Variants in CELF2 observed in about 807,000 individuals in gnomAD.
The protein encoded by CELF2 is CUGBP Elav-like family member 2.
Under a neutral mutation model 62.6 loss-of-function variants are expected in CELF2, and 8 were observed. That is an observed-to-expected ratio of 0.13 (90% confidence interval 0.07 to 0.23). The LOEUF is 0.23. CELF2 is among the 10% of genes least tolerant of loss of function. CELF2 has a pLI of 1.00. For synonymous variants in CELF2, 258 were observed against 250.0 expected (o/e 1.03, Z -0.30); for missense variants, 333 against 671.0 (o/e 0.50, Z 5.56).
upstream of CELF2, among the ~76,000 whole-genome samples, chr10:10,793,459 A>C (rs1369527872): frequency 6.6e-6 from 1 of 152,198 alleles, no homozygotes; most frequent in Non-Finnish European, 1.5e-5. Flanking sequence ...AAAAACAAAC[A>C]AACAAACAAA....
intron 2 of CELF2, among the ~76,000 whole-genome samples, chr10:11,172,988 C>G (rs1041923092): frequency 2.0e-5 from 3 of 152,186 alleles, no homozygotes; most frequent in Non-Finnish European, 2.9e-5. Flanking sequence ...CCCTCCAGCA[C>G]GTATTGCAGG....
At chr10:10,881,362 A>C (rs919365284) in intron 1 of CELF2, among the ~76,000 whole-genome samples, 2 of 152,182 alleles carry the variant, frequency 1.3e-5, no homozygotes, top group African/African-American at 2.4e-5. Flanking sequence ...GTAACTACCT[A>C]TTTCCTTCAG....
At chr10:10,526,627 C>A in the CELF2 span, among the ~76,000 whole-genome samples, 1 of 152,320 alleles carries the variant, frequency 6.6e-6, no homozygotes, top group Non-Finnish European at 1.5e-5. Flanking sequence ...TCTCAAAGTC[C>A]ACCTCATGCC....
chr10:10,994,538 C>T (rs1415675281), intron 2 of CELF2, among the ~76,000 whole-genome samples: 1 of 152,208 alleles, frequency 6.6e-6, no homozygotes, highest in Non-Finnish European at 1.5e-5. Context: ...ACAGCCGCTC[C>T]TCATTGCTTG....
At chr10:11,202,821 A>G (rs1288098643) in intron 2 of CELF2, among the ~76,000 whole-genome samples, 6 of 151,962 alleles carry the variant, frequency 3.9e-5, no homozygotes, top group Admixed American at 2.0e-4. Context: ...GCTTTATCCT[A>G]TAAACCATCT....
chr10:11,319,240 C>A lies in CELF2; in HGVS notation c.1097-1949C>A. On this transcript the variant is annotated intron_variant, in intron 10 of 12. Coordinates refer to ENST00000633077, the MANE Select transcript of CELF2 (RefSeq NM_001326342.2). The surrounding 1 kb of genome is among the most constrained non-coding windows in gnomAD (Gnocchi z 4.4). ...CCAAAGTGAGACCAACAGAATTTAT[C>A]AGCAGCGTCCAGCCCTTCCCGAGTT... 2.6e-6 allele frequency: 1 copy of A among 389,342 alleles called. No homozygotes were observed. 24.1% of individuals were successfully genotyped at this position (389,342 alleles called of 1,614,324 possible). A position where few individuals can be genotyped will look rare whatever the true frequency, so the allele number is the denominator to read the frequency against.
chr10:10,613,606 T>G, the CELF2 span, among the ~76,000 whole-genome samples: 1 of 152,218 alleles, frequency 6.6e-6, no homozygotes, highest in African/African-American at 2.4e-5. Context: ...GATTCCTGAC[T>G]TTTCCCCCTT....
intron 2 of CELF2, among the ~76,000 whole-genome samples, chr10:11,187,684 G>A (rs2075317062): frequency 6.6e-6 from 1 of 151,024 alleles, no homozygotes; most frequent in South Asian, 2.1e-4. Flanking sequence ...TGTTGTTTTA[G>A]AGTATTTGTT....
the CELF2 span, among the ~76,000 whole-genome samples, chr10:10,536,302 G>A: frequency 2.6e-5 from 4 of 152,146 alleles, no homozygotes; most frequent in Admixed American, 2.0e-4. Context: ...ACAGGCATGA[G>A]CCACCATGCC....
intron 2 of CELF2, among the ~76,000 whole-genome samples, chr10:11,204,792 G>A (rs539502820): frequency 7.2e-5 from 11 of 152,302 alleles, no homozygotes; most frequent in South Asian, 2.1e-4. Flanking sequence ...CCTCCTCCCC[G>A]TCCTCATCGC....
At chr10:11,101,731 C>G (rs538350336) in intron 1 of CELF2, among the ~76,000 whole-genome samples, 3 of 152,184 alleles carry the variant, frequency 2.0e-5, no homozygotes, top group Non-Finnish European at 4.4e-5. Flanking sequence ...CACTTGTAAC[C>G]TCTGCATACC....
chr10:11,059,299 T>G (rs2066139488), intron 1 of CELF2, among the ~76,000 whole-genome samples: 2 of 152,176 alleles, frequency 1.3e-5, no homozygotes. Flanking sequence ...TGCATGTCTG[T>G]TTTAGGGTGG....
Position 11,332,515 on chromosome 10 carries a change from CTGCTGCCACTTTT to C in CELF2, c.*3464_*3476del, listed in dbSNP as rs991196914. The C allele has an allele frequency of 3.9e-5, 6 of 152,716 alleles. No individual in the cohort carries two copies. Among genetic ancestry groups the C allele is most frequent in the African/African-American group, 1.2e-4 (5 of 41,554 alleles). 9.5% of individuals were successfully genotyped at this position (152,716 alleles called of 1,614,324 possible). ...CTGACCAAATACCTAGCACCAGTTC[CTGCTGCCACTTTT>C]TAAAGTGCCATATGACTTTCTACGA... On this transcript the variant is annotated 3_prime_UTR_variant, in exon 13 of 13. Coordinates refer to ENST00000633077, the MANE Select transcript of CELF2 (RefSeq NM_001326342.2).
At chr10:11,202,901 ATCTCTCTCTCTCTCTCTC>A (rs56373613) in intron 2 of CELF2, among the ~76,000 whole-genome samples, 14 of 70,924 alleles carry the variant, frequency 2.0e-4, no homozygotes, top group African/African-American at 7.5e-4. Context: ...CCCCATCCTC[ATCTCTCTCTCTCTCTCTC>A]TCTCTCTCTC....
chr10:11,041,143 T>G (rs1230356745), intron 1 of CELF2, among the ~76,000 whole-genome samples: 2 of 152,222 alleles, frequency 1.3e-5, no homozygotes, highest in African/African-American at 4.8e-5. Context: ...AAAGTTGTAG[T>G]GTCCTTTTTT....
chr10:11,166,054 A>AC (rs1292733188), intron 2 of CELF2, among the ~76,000 whole-genome samples: 1 of 151,996 alleles, frequency 6.6e-6, no homozygotes, highest in African/African-American at 2.4e-5. Context: ...AACTCTTCCC[A>AC]CCCCTACGTT....
chr10:11,025,938 A>G (rs1055310271), intron 1 of CELF2, among the ~76,000 whole-genome samples: 2 of 152,238 alleles, frequency 1.3e-5, no homozygotes, highest in Admixed American at 6.5e-5. Context: ...TGAAAAGCTC[A>G]GACTCTTTCC....
chr10:10,796,739 C>T (rs759149680), upstream of CELF2: 8 of 227,054 alleles, frequency 3.5e-5, no homozygotes, highest in Non-Finnish European at 5.1e-5. Flanking sequence ...AGGTACACTC[C>T]GTATAAAAGC....
the CELF2 span, among the ~76,000 whole-genome samples, chr10:10,560,628 A>G: frequency 6.6e-6 from 1 of 152,204 alleles, no homozygotes; most frequent in Admixed American, 6.5e-5. Flanking sequence ...TAAAGAAATA[A>G]AAGTAGAACT....
Sources: gnomAD v4.1 joint callset for allele counts (sites outside exome capture counted in the v4.1 genomes callset) on GRCh38, gnomAD v4.1.1 for gene constraint, Gnocchi (gnomAD v3.1) non-coding constraint, MANE v1.5 for transcripts, NCBI Gene and HGNC (gene_info 2026-07-23, HGNC 2026-07-21) for gene names.